NCS1: variants seen among roughly 807,000 people sequenced by gnomAD.
The protein encoded by NCS1 is frequenin homolog.
A neutral mutation model predicts 28.4 loss-of-function variants in NCS1; 6 were observed. The ratio of observed to expected loss-of-function variants is 0.21; its 90% CI spans 0.12 to 0.42. NCS1 has a LOEUF of 0.42. Among genes scored for constraint, NCS1 ranks in the 10% least tolerant of loss-of-function variants. The pLI is 1.00. For missense variants in NCS1, 131 were observed against 241.4 expected, an observed-to-expected ratio of 0.54 and a Z score of 3.03; for synonymous variants, 86 against 99.3, an observed-to-expected ratio of 0.87 and a Z score of 0.79.
At chr9:130,202,295 T>C (rs1832959198) in intron 2 of NCS1, among the ~76,000 whole-genome samples, 1 of 152,162 alleles carries the variant, frequency 6.6e-6, no homozygotes, top group Admixed American at 6.5e-5. Flanking sequence ...GGCTTCCTGA[T>C]GTTTGCCCAG....
In NCS1 at chr9:130,192,403, C is replaced by A. The variant is rs1254597658; in HGVS notation, c.65-8555C>A. ...CCAGAGCCTGTGCCCACCTTCCTGT[C>A]CTCACTCCAGCCCTCTCGGGGGCTG... On this transcript the variant is annotated intron_variant, in intron 1 of 7. Transcript: ENST00000372398. This position sits in a 1 kb window ranked among gnomAD's most constrained non-coding sequence, Gnocchi z 4.8. 1.3e-5 allele frequency among the ~76,000 whole-genome samples: 2 copies of A among 152,010 alleles called. No homozygotes were observed. The highest frequency in any genetic ancestry group is 2.9e-5 in the Non-Finnish European group (2 of 68,004).
At position 130,191,744 on chromosome 9, in the gene NCS1, G is replaced by C. The variant is rs1032138556; in HGVS notation, c.65-9214G>C. 6.6e-6 allele frequency among the ~76,000 whole-genome samples: 1 copy of C among 152,266 alleles called. No individual in the cohort carries two copies. Among genetic ancestry groups the C allele is most frequent in the East Asian group, 1.9e-4 (1 of 5,200 alleles). ...GTGGCCGTCACAGCTGCTCACTGCT[G>C]CACATGGCGGTCTGATGGCCCTGGT... On this transcript the variant is annotated intron_variant, in intron 1 of 7. Coordinates refer to ENST00000372398, the MANE Select transcript of NCS1 (RefSeq NM_014286.4). This position sits in a 1 kb window ranked among gnomAD's most constrained non-coding sequence, Gnocchi z 6.4.
Position 130,175,129 on chromosome 9 carries a change from G to A in NCS1, c.64+2402G>A, listed in dbSNP as rs1040710535. 3.3e-5 allele frequency among the ~76,000 whole-genome samples: 5 copies of A among 152,096 alleles called. No homozygotes were observed. The highest frequency in any genetic ancestry group is 1.2e-4 in the African/African-American group (5 of 41,398). ...TTCATTGGCCTCCTGTCTGCCTCCC[G>A]CGCTGACGTCAGCTCCCTAGTGCAG... On this transcript the variant is annotated intron_variant, in intron 1 of 7. Coordinates refer to ENST00000372398, the MANE Select transcript of NCS1 (RefSeq NM_014286.4). This position sits in a 1 kb window ranked among gnomAD's most constrained non-coding sequence, Gnocchi z 4.9.
chr9:130,194,063 A>G (rs954180833), intron 1 of NCS1: 5 of 152,668 alleles, frequency 3.3e-5, no homozygotes, highest in Admixed American at 6.5e-5. Flanking sequence ...ATGGCGGAAG[A>G]GGCTGGATTG....
intron 6 of NCS1, 75 bp downstream of exon 6, chr9:130,223,234 C>A: frequency 7.0e-7 from 1 of 1,426,888 alleles, no homozygotes; most frequent in Non-Finnish European, 9.8e-7. Context: ...GTCCCTGGAT[C>A]CTGGGCCTGG....
intron 2 of NCS1, among the ~76,000 whole-genome samples, chr9:130,210,042 G>T (rs1224308808): frequency 6.6e-6 from 1 of 152,098 alleles, no homozygotes. Context: ...TGAGTTACTG[G>T]GTGGGGAGGG....
At chr9:130,183,019 G>A (rs981676056) in intron 1 of NCS1, among the ~76,000 whole-genome samples, 1 of 152,192 alleles carries the variant, frequency 6.6e-6, no homozygotes, top group Non-Finnish European at 1.5e-5. Context: ...TGTGTGGCCC[G>A]GGGTGTCCTC....
Position 130,181,306 on chromosome 9 carries a change from G to C in NCS1, c.64+8579G>C, listed in dbSNP as rs1554905130. Among the ~76,000 whole-genome samples the C allele has an allele frequency of 1.4e-4, 21 of 152,030 alleles. No individual in the cohort carries two copies. ...CTACACAGAGCCGTGTGCGGGGTTA[G>C]GAATAACAGACGTTGAACTTGGCGG... On this transcript the variant is annotated intron_variant, in intron 1 of 7. Coordinates refer to ENST00000372398, the MANE Select transcript of NCS1 (RefSeq NM_014286.4). This position sits in a 1 kb window ranked among gnomAD's most constrained non-coding sequence, Gnocchi z 5.0.
At chr9:130,220,753 CT>C (rs58649256) in intron 4 of NCS1, among the ~76,000 whole-genome samples, 4,616 of 142,874 alleles carry the variant, frequency 0.032, 191 homozygotes, top group African/African-American at 0.1. Flanking sequence ...TTCTTTCTTT[CT>C]TTTTTTTTTT....
chr9:130,222,985 C>A, intron 5 of NCS1, 97 bp from the exon 6 acceptor site: 2 of 1,019,624 alleles, frequency 2.0e-6, no homozygotes, highest in Non-Finnish European at 3.0e-6. Context: ...GGGGGCGGCC[C>A]TCATCTGGAA....
chr9:130,176,185 TC>T lies in NCS1; in HGVS notation c.64+3459del, dbSNP rs1156995746. Among the ~76,000 whole-genome samples the T allele has an allele frequency of 2.9e-5, 2 of 68,166 alleles. 1 individual carries two copies. Among genetic ancestry groups the T allele is most frequent in the African/African-American group, 2.8e-4 (2 of 7,166 alleles). 44.7% of individuals were successfully genotyped at this position (68,166 alleles called of 152,430 possible). Reference sequence around the variant, plus strand: ...TTCTTTCTTTCTTTCTTTCTTTCTTTCTTTCTTTCTTTTTTTTTTTTTTTGG... The same window carrying T: ...TTCTTTCTTTCTTTCTTTCTTTCTTTTTTCTTTCTTTTTTTTTTTTTTTGG... On this transcript the variant is annotated intron_variant, in intron 1 of 7. Transcript: ENST00000372398.
intron 1 of NCS1, among the ~76,000 whole-genome samples, chr9:130,189,025 CTTTCT>C (rs1832778845): frequency 6.6e-6 from 1 of 152,162 alleles, no homozygotes; most frequent in Non-Finnish European, 1.5e-5. Context: ...CTGAGCTTTC[CTTTCT>C]TATTATGACA....
intron 2 of NCS1, among the ~76,000 whole-genome samples, chr9:130,206,612 G>T (rs782622635): frequency 1.3e-5 from 2 of 151,912 alleles, no homozygotes; most frequent in Non-Finnish European, 2.9e-5. Flanking sequence ...ATTTCACCAC[G>T]CTGGCCAGGC....
intron 1 of NCS1, chr9:130,200,646 G>A (rs1554907356): frequency 1.9e-6 from 3 of 1,551,750 alleles, no homozygotes; most frequent in Admixed American, 2.0e-5. Context: ...AGCAAGGGCT[G>A]TGGGAGAAGC....
chr9:130,217,410 A>G (rs781853708), intron 2 of NCS1, among the ~76,000 whole-genome samples: 5 of 152,112 alleles, frequency 3.3e-5, no homozygotes, highest in Non-Finnish European at 5.9e-5. Flanking sequence ...GCAGCAGCCC[A>G]CCCAGCCTGA....
rs114558148 is a variant in NCS1, at chr9:130,219,872, G to A, written c.307+69G>A. The A allele has an allele frequency of 3.5e-3, 5,216 of 1,510,352 alleles. 109 individuals carry two copies. Among genetic ancestry groups the A allele is most frequent in the South Asian group, 0.033 (2,897 of 88,498 alleles). 93.6% of individuals were successfully genotyped at this position (1,510,352 alleles called of 1,614,324 possible). A position where few individuals can be genotyped will look rare whatever the true frequency, so the allele number is the denominator to read the frequency against. On this transcript the variant is annotated intron_variant, in intron 4 of 7. Coordinates refer to ENST00000372398, the MANE Select transcript of NCS1 (RefSeq NM_014286.4). This position sits in a 1 kb window ranked among gnomAD's most constrained non-coding sequence, Gnocchi z 5.7. ...CCCAGGTCAGAGGGAGGCAGCCCTC[G>A]GCCCTCACCAGGCAGGGGTGCCAGA...
chr9:130,185,773 C>G (rs1196924228), intron 1 of NCS1, among the ~76,000 whole-genome samples: 1 of 152,254 alleles, frequency 6.6e-6, no homozygotes, highest in Non-Finnish European at 1.5e-5. Flanking sequence ...CTGCACTGGC[C>G]GGGTTCTTGC....
chr9:130,173,205 G>GT (rs1832514274), intron 1 of NCS1, among the ~76,000 whole-genome samples: 1 of 151,888 alleles, frequency 6.6e-6, no homozygotes, highest in African/African-American at 2.4e-5. Context: ...CGTGTGGGGG[G>GT]GGGGGTGGCG....
chr9:130,180,642 C>T lies in NCS1; in HGVS notation c.64+7915C>T, dbSNP rs1832641111. On this transcript the variant is annotated intron_variant, in intron 1 of 7. Transcript: ENST00000372398. This position sits in a 1 kb window ranked among gnomAD's most constrained non-coding sequence, Gnocchi z 4.5. ...TGTTTCCTGGCTGGGCAATCCTGGC[C>T]AGCTCCTTACGTCTCTGAGCTCTGA... Among the ~76,000 whole-genome samples the T allele has an allele frequency of 6.6e-6, 1 of 152,112 alleles. No individual in the cohort carries two copies. Among genetic ancestry groups the T allele is most frequent in the South Asian group, 2.1e-4 (1 of 4,832 alleles).
Sources: gnomAD v4.1 joint callset for allele counts (sites outside exome capture counted in the v4.1 genomes callset) on GRCh38, gnomAD v4.1.1 for gene constraint, Gnocchi (gnomAD v3.1) non-coding constraint, MANE v1.5 for transcripts, NCBI Gene and HGNC (gene_info 2026-07-23, HGNC 2026-07-21) for gene names.